Variants in UBE2D1 observed in about 807,000 individuals in gnomAD.
The protein encoded by UBE2D1 is ubiquitin conjugating enzyme E2 D1, also known as ubiquitin-conjugating enzyme E2 D1.
UBE2D1 carries 9 observed loss-of-function variants against 24.6 expected under a neutral mutation model. The ratio of observed to expected loss-of-function variants is 0.37; its 90% CI spans 0.22 to 0.64. UBE2D1 has a LOEUF of 0.64. Ranked by LOEUF, UBE2D1 falls within the 30% of genes least tolerant of loss-of-function variation. The pLI is 0.64. For missense variants in UBE2D1, 87 were observed against 177.1 expected (o/e 0.49, Z 2.89); for synonymous variants, 57 against 57.6 (o/e 0.99, Z 0.04).
intron 3 of UBE2D1, among the ~76,000 whole-genome samples, chr10:58,362,228 T>A (rs1314757714): frequency 6.6e-5 from 10 of 152,160 alleles, no homozygotes; most frequent in Non-Finnish European, 1.5e-4. Flanking sequence ...ACTTTCTGGG[T>A]GAGAGTACAT....
chr10:58,344,386 C>T (rs1356637225), intron 1 of UBE2D1, among the ~76,000 whole-genome samples: 1 of 152,134 alleles, frequency 6.6e-6, no homozygotes, highest in Non-Finnish European at 1.5e-5. Flanking sequence ...GCTTTGTGAC[C>T]TTGGCCAGGA....
At chr10:58,356,568 TAC>T (rs1245062311) in intron 1 of UBE2D1, among the ~76,000 whole-genome samples, 1 of 152,178 alleles carries the variant, frequency 6.6e-6, no homozygotes, top group African/African-American at 2.4e-5. Flanking sequence ...TATCTTTAGC[TAC>T]CAGGGCAGTA....
intron 1 of UBE2D1, among the ~76,000 whole-genome samples, chr10:58,344,061 G>A (rs1839990042): frequency 6.6e-6 from 1 of 152,010 alleles, no homozygotes; most frequent in Admixed American, 6.6e-5. Context: ...AGTTTTTCTT[G>A]ACTCTCAGAG....
At chr10:58,346,442 C>A (rs1044572326) in intron 1 of UBE2D1, among the ~76,000 whole-genome samples, 1 of 151,958 alleles carries the variant, frequency 6.6e-6, no homozygotes, top group Non-Finnish European at 1.5e-5. Flanking sequence ...TAGCAGGGAC[C>A]CATTGAAGGT....
chr10:58,336,038 T>C (rs1340159379), intron 1 of UBE2D1, among the ~76,000 whole-genome samples: 1 of 152,166 alleles, frequency 6.6e-6, no homozygotes, highest in Admixed American at 6.5e-5. Context: ...GAGGAAGAAA[T>C]ATATATCTTC....
At chr10:58,358,346 A>G (rs1840156197) in intron 1 of UBE2D1, among the ~76,000 whole-genome samples, 1 of 152,228 alleles carries the variant, frequency 6.6e-6, no homozygotes, top group East Asian at 1.9e-4. Context: ...AACATGATGA[A>G]TAATTACAGA....
At chr10:58,343,479 A>C (rs1839984231) in intron 1 of UBE2D1, among the ~76,000 whole-genome samples, 1 of 152,218 alleles carries the variant, frequency 6.6e-6, no homozygotes, top group Non-Finnish European at 1.5e-5. Context: ...GTTCCATAAC[A>C]TAAGATCCTT....
intron 6 of UBE2D1, 139 bp downstream of exon 6, chr10:58,368,155 A>C: frequency 1.6e-6 from 1 of 606,544 alleles, no homozygotes. Context: ...CAATGGAGTA[A>C]ACCTTTCTTT....
intron 1 of UBE2D1, among the ~76,000 whole-genome samples, chr10:58,340,268 T>A (rs888344210): frequency 1.3e-5 from 2 of 152,182 alleles, no homozygotes; most frequent in Non-Finnish European, 2.9e-5. Flanking sequence ...CTAAGACTCA[T>A]TTTCTTTCTC....
intron 1 of UBE2D1, among the ~76,000 whole-genome samples, chr10:58,350,931 C>T (rs1351297554): frequency 1.3e-5 from 2 of 152,094 alleles, no homozygotes; most frequent in African/African-American, 4.8e-5. Context: ...AGCATGTTAC[C>T]GTGCTGATAC....
rs185487042 is a variant in UBE2D1, at chr10:58,339,605, A to G, written c.24+4380A>G. Among the ~76,000 whole-genome samples the G allele has an allele frequency of 2.4e-3, 361 of 152,300 alleles. 3 individuals are homozygous for G. Among genetic ancestry groups the G allele is most frequent in the Admixed American group, 4.0e-3 (61 of 15,302 alleles). On this transcript the variant is annotated intron_variant, in intron 1 of 6. Transcript: ENST00000373910. ...ACATATATTAATTGACTTAATTCTTAGTATACCCAAGAGGTAGAAACAGTG... is the reference window on the plus strand; with the variant it reads ...ACATATATTAATTGACTTAATTCTTGGTATACCCAAGAGGTAGAAACAGTG...
intron 3 of UBE2D1, among the ~76,000 whole-genome samples, chr10:58,362,399 AT>A (rs1265538929): frequency 1.3e-5 from 2 of 152,170 alleles, no homozygotes; most frequent in African/African-American, 4.8e-5. Flanking sequence ...GTCTCAAATT[AT>A]TGTTTTATTA....
In UBE2D1 at chr10:58,335,134, A is replaced by T. The variant is rs1443636978; in HGVS notation, c.-68A>T. Reference sequence around the variant, plus strand: ...TAGCTGCCAGCGAGCCCAACCCGCGACGACCCACGCCCCTGAGCCCCGCAG... The same window carrying T: ...TAGCTGCCAGCGAGCCCAACCCGCGTCGACCCACGCCCCTGAGCCCCGCAG... On this transcript the variant is annotated 5_prime_UTR_variant, in exon 1 of 7. Transcript: ENST00000373910. 2.6e-6 allele frequency: 4 copies of T among 1,510,534 alleles called. No homozygotes were observed. In the African/African-American group the frequency reaches 5.7e-5, roughly 21 times the overall value. 93.6% of individuals were successfully genotyped at this position (1,510,534 alleles called of 1,614,324 possible). A position where few individuals can be genotyped will look rare whatever the true frequency, so the allele number is the denominator to read the frequency against.
At chr10:58,359,016 A>C (rs910338615) in intron 1 of UBE2D1, among the ~76,000 whole-genome samples, 15 of 149,772 alleles carry the variant, frequency 1.0e-4, no homozygotes, top group African/African-American at 3.6e-4. Context: ...AGCTATTTAA[A>C]AAAAAAAAAA....
chr10:58,345,542 A>T (rs1217853121), intron 1 of UBE2D1, among the ~76,000 whole-genome samples: 1 of 152,172 alleles, frequency 6.6e-6, no homozygotes, highest in Non-Finnish European at 1.5e-5. Context: ...CAGTAAGGAG[A>T]TGCTAGTTAT....
intron 1 of UBE2D1, among the ~76,000 whole-genome samples, chr10:58,343,200 C>G (rs1435213818): frequency 6.6e-6 from 1 of 152,088 alleles, no homozygotes; most frequent in Non-Finnish European, 1.5e-5. Context: ...CAGTTGGTAT[C>G]TATTGACTGT....
chr10:58,338,303 ATAAAC>A (rs1438114471), intron 1 of UBE2D1, among the ~76,000 whole-genome samples: 1 of 152,230 alleles, frequency 6.6e-6, no homozygotes, highest in African/African-American at 2.4e-5. Context: ...TTATAGTAGA[ATAAAC>A]TAACTATACT....
At chr10:58,358,528 A>G (rs1263764434) in intron 1 of UBE2D1, among the ~76,000 whole-genome samples, 1 of 152,192 alleles carries the variant, frequency 6.6e-6, no homozygotes, top group Non-Finnish European at 1.5e-5. Flanking sequence ...AATGCTTACT[A>G]TGTGCCAGAG....
intron 1 of UBE2D1, among the ~76,000 whole-genome samples, chr10:58,337,233 C>G (rs894373933): frequency 2.4e-4 from 37 of 152,146 alleles, no homozygotes; most frequent in African/African-American, 8.7e-4. Flanking sequence ...CATCACATCT[C>G]TGTGTGTTCA....
Sources: gnomAD v4.1 joint callset for allele counts (sites outside exome capture counted in the v4.1 genomes callset) on GRCh38, gnomAD v4.1.1 for gene constraint, MANE v1.5 for transcripts, NCBI Gene and HGNC (gene_info 2026-07-23, HGNC 2026-07-21) for gene names.